MYO7B: variants seen among roughly 807,000 people sequenced by gnomAD.
MYO7B encodes the protein myosin VIIB.
Under a neutral mutation model 259.7 loss-of-function variants are expected in MYO7B, and 212 were observed. The observed-to-expected ratio is 0.82, with a 90% CI of 0.73 to 0.91. MYO7B has a LOEUF of 0.91. Among genes scored for constraint, MYO7B ranks in the 40% least tolerant of loss-of-function variants. MYO7B has a pLI of 0.00. For missense variants in MYO7B, 2,732 were observed against 2,813.5 expected (o/e 0.97, Z 0.66); for synonymous variants, 1,197 against 1,166.4 (o/e 1.03, Z -0.54).
rs1367403 is a variant in MYO7B at position 127,615,281 on chromosome 2, T to C, written c.3398+2678T>C. On this transcript the variant is annotated intron_variant, in intron 26 of 47. Coordinates refer to ENST00000409816, the MANE Select transcript of MYO7B (RefSeq NM_001393586.1). The surrounding 1 kb of genome is among the most constrained non-coding windows in gnomAD (Gnocchi z 4.4). ...ACGGGTCACCCGTGACAGACTGCCA[T>C]GGTTACTACTTGAGACCATTGCTAC... Among the ~76,000 whole-genome samples, 56,458 of 151,998 alleles carry C rather than the reference T, an allele frequency of 0.37. 13,997 individuals carry two copies. The highest frequency in any genetic ancestry group is 0.71 in the African/African-American group (29,449 of 41,438).
rs1179584043 is a variant in MYO7B at position 127,590,506 on chromosome 2, T to C, written c.1992+277T>C. Among the ~76,000 whole-genome samples the C allele has an allele frequency of 6.6e-6, 1 of 152,248 alleles. No homozygotes were observed. Among genetic ancestry groups the C allele is most frequent in the East Asian group, 1.9e-4 (1 of 5,204 alleles). Reference sequence around the variant, plus strand: ...GGCTCTTTGCTGCTGTGAGCCTCAGTTTTCCCTTCTGTTAAGTCAGACTTG... The same window carrying C: ...GGCTCTTTGCTGCTGTGAGCCTCAGCTTTCCCTTCTGTTAAGTCAGACTTG... On this transcript the variant is annotated intron_variant, in intron 16 of 47. Coordinates refer to ENST00000409816, the MANE Select transcript of MYO7B (RefSeq NM_001393586.1). The surrounding 1 kb of genome is among the most constrained non-coding windows in gnomAD (Gnocchi z 4.6).
chr2:127,588,165 A>G (rs1209434176), intron 14 of MYO7B, among the ~76,000 whole-genome samples: 1 of 151,278 alleles, frequency 6.6e-6, no homozygotes, highest in African/African-American at 2.4e-5. Context: ...TGGAGTGGGA[A>G]TGGGAATTAG....
chr2:127,603,398 G>C (rs1277376513), intron 19 of MYO7B, among the ~76,000 whole-genome samples: 2 of 152,216 alleles, frequency 1.3e-5, no homozygotes, highest in East Asian at 3.8e-4. Flanking sequence ...ATGGGCTGCA[G>C]AATGGATGCT....
At chr2:127,588,900 G>A (rs1256055744) in intron 15 of MYO7B, among the ~76,000 whole-genome samples, 1 of 145,832 alleles carries the variant, frequency 6.9e-6, no homozygotes, top group Non-Finnish European at 1.5e-5. Flanking sequence ...TGGATGGATG[G>A]ATGAGTGGAT....
Position 127,621,863 on chromosome 2 carries a change from G to T in MYO7B, c.3526-119G>T, listed in dbSNP as rs73953661. On this transcript the variant is annotated intron_variant, in intron 27 of 47. Coordinates refer to ENST00000409816, the MANE Select transcript of MYO7B (RefSeq NM_001393586.1). The stretch of plus-strand genomic sequence containing the variant: ...CATGTTCCTTCTAACGGGTGTGAGG[G>T]TGCCCCTCAATGCACATTATACACT... 1.3e-3 allele frequency: 1,891 copies of T among 1,423,048 alleles called. 16 individuals carry two copies. In the African/African-American group the frequency reaches 0.021, roughly 16 times the overall value. 88.2% of individuals were successfully genotyped at this position (1,423,048 alleles called of 1,614,324 possible). A position where few individuals can be genotyped will look rare whatever the true frequency, so the allele number is the denominator to read the frequency against.
intron 36 of MYO7B, 74 bp from the exon 37 acceptor site, chr2:127,631,132 G>T (rs1313457516): frequency 1.4e-6 from 2 of 1,480,366 alleles, no homozygotes; most frequent in Admixed American, 4.6e-5. Context: ...GCCACTCAGG[G>T]GTGTCAGAGG....
chr2:127,625,347 T>G (rs750839254), intron 30 of MYO7B, 21 bp from the exon 31 acceptor site: 1 of 1,506,728 alleles, frequency 6.6e-7, no homozygotes, highest in Non-Finnish European at 8.9e-7. Context: ...CTCGCCCCCG[T>G]GGGTGCCCTG....
intron 6 of MYO7B, among the ~76,000 whole-genome samples, chr2:127,571,994 C>A (rs1240903792): frequency 1.3e-5 from 2 of 152,242 alleles, no homozygotes; most frequent in African/African-American, 4.8e-5. Context: ...TTTGCCTAAC[C>A]CAGAGATTTT....
chr2:127,605,962 G>C, intron 20 of MYO7B, 34 bp downstream of exon 20: 1 of 1,560,402 alleles, frequency 6.4e-7, no homozygotes, highest in Non-Finnish European at 8.8e-7. Context: ...TGGGCCGCGG[G>C]ACCAGCGGGT....
chr2:127,541,402 G>A (rs1381203189), intron 1 of MYO7B, among the ~76,000 whole-genome samples: 1 of 152,248 alleles, frequency 6.6e-6, no homozygotes, highest in Non-Finnish European at 1.5e-5. Context: ...CTCTGAATAA[G>A]TGTAAACCAA....
intron 40 of MYO7B, 34 bp downstream of exon 40, chr2:127,633,397 C>T (rs1681628783): frequency 6.3e-7 from 1 of 1,599,934 alleles, no homozygotes; most frequent in African/African-American, 1.3e-5. Context: ...CGGCAAGTCT[C>T]AGGCCTCCAG....
chr2:127,557,873 C>A (rs548101844), intron 1 of MYO7B, among the ~76,000 whole-genome samples: 7 of 152,104 alleles, frequency 4.6e-5, no homozygotes, highest in Non-Finnish European at 1.0e-4. Flanking sequence ...AAATCTAAGA[C>A]CTAAAACTAT....
intron 34 of MYO7B, among the ~76,000 whole-genome samples, chr2:127,629,006 C>T (rs993036839): frequency 1.3e-5 from 2 of 152,214 alleles, no homozygotes; most frequent in African/African-American, 4.8e-5. Context: ...AGCACTCCAT[C>T]GAGAGCTGGG....
intron 35 of MYO7B, among the ~76,000 whole-genome samples, 177 bp from the exon 36 acceptor site, chr2:127,630,601 G>A (rs1028532528): frequency 6.6e-5 from 10 of 152,178 alleles, no homozygotes; most frequent in Non-Finnish European, 1.5e-4. Flanking sequence ...GCACCAAGAG[G>A]TAGAGTCATG....
chr2:127,614,768 TCA>T lies in MYO7B; in HGVS notation c.3398+2168_3398+2169del, dbSNP rs1680508094. Among the ~76,000 whole-genome samples, 1 of 152,158 alleles carries T rather than the reference TCA, an allele frequency of 6.6e-6. No individual in the cohort carries two copies. Among genetic ancestry groups the T allele is most frequent in the African/African-American group, 2.4e-5 (1 of 41,448 alleles). ...ATCCCCATGAAGTCCCTTCCAGGAA[TCA>T]CATTCCAAATTTCTTATCTTCCCTT... On this transcript the variant is annotated intron_variant, in intron 26 of 47. Transcript: ENST00000409816. The surrounding 1 kb of genome is among the most constrained non-coding windows in gnomAD (Gnocchi z 4.6).
At chr2:127,564,003 T>C in intron 2 of MYO7B, 150 bp from the exon 3 acceptor site, 1 of 561,634 alleles carries the variant, frequency 1.8e-6, no homozygotes, top group Non-Finnish European at 3.2e-6. Context: ...GAAAGAGAGA[T>C]GGGAGAGGGG....
chr2:127,637,444 G>C lies in MYO7B; in HGVS notation c.*27G>C, dbSNP rs1558859961. On this transcript the variant is annotated 3_prime_UTR_variant, in exon 48 of 48. Transcript: ENST00000409816. ...AGCGGATGCTGGCGTGTCTGCTCAG[G>C]CGCCCTTCCCGACCTCTAGCCTGGC... 6.8e-7 allele frequency: 1 copy of C among 1,468,986 alleles called. No individual in the cohort carries two copies. Among genetic ancestry groups the C allele is most frequent in the Non-Finnish European group, 9.1e-7 (1 of 1,102,946 alleles). The allele number at this position is 1,468,986 out of a possible 1,614,324, so 91.0% of individuals were successfully genotyped here.
At chr2:127,606,060 G>C (rs2105020330) in intron 20 of MYO7B, 132 bp downstream of exon 20, 4 of 705,806 alleles carry the variant, frequency 5.7e-6, no homozygotes, top group Middle Eastern at 3.9e-4. Context: ...CACAGACGTG[G>C]CATGCAAATT....
chr2:127,637,531 C>G lies in MYO7B; in HGVS notation c.*114C>G, dbSNP rs1021286441. The stretch of plus-strand genomic sequence containing the variant: ...CTTGGCGGGCAGCCTTCCATGCTGC[C>G]CCCCATACAAAGCCCACTCAGCCCC... On this transcript the variant is annotated 3_prime_UTR_variant, in exon 48 of 48. Coordinates refer to ENST00000409816, the MANE Select transcript of MYO7B (RefSeq NM_001393586.1). 1.3e-6 allele frequency: 1 copy of G among 797,722 alleles called. No homozygotes were observed. Among genetic ancestry groups the G allele is most frequent in the Non-Finnish European group, 1.9e-6 (1 of 523,090 alleles). 49.4% of individuals were successfully genotyped at this position (797,722 alleles called of 1,614,324 possible). A position where few individuals can be genotyped will look rare whatever the true frequency, so the allele number is the denominator to read the frequency against.
Sources: gnomAD v4.1 joint callset for allele counts (sites outside exome capture counted in the v4.1 genomes callset) on GRCh38, gnomAD v4.1.1 for gene constraint, Gnocchi (gnomAD v3.1) non-coding constraint, MANE v1.5 for transcripts, NCBI Gene and HGNC (gene_info 2026-07-23, HGNC 2026-07-21) for gene names.